SIK3: variants seen among roughly 807,000 people sequenced by gnomAD.
The protein encoded by SIK3 is SIK family kinase 3.
SIK3 carries 28 observed loss-of-function variants against 144.2 expected under a neutral mutation model. That is an observed-to-expected ratio of 0.19 (90% CI 0.14 to 0.27). The LOEUF (loss-of-function observed/expected upper bound fraction) is 0.27. Among genes scored for constraint, SIK3 ranks in the 10% least tolerant of loss-of-function variants. SIK3 has a pLI of 1.00. For missense variants in SIK3, 1,319 were observed against 1,776.0 expected (o/e 0.74, Z 4.62); for synonymous variants, 686 against 676.3 (o/e 1.01, Z -0.22).
At chr11:116,978,242 CAA>C (rs1220459115) in intron 1 of SIK3, among the ~76,000 whole-genome samples, 1 of 152,042 alleles carries the variant, frequency 6.6e-6, no homozygotes, top group African/African-American at 2.4e-5. Flanking sequence ...TCCGCATTAC[CAA>C]AAGTCTTCTT....
intron 3 of SIK3, among the ~76,000 whole-genome samples, chr11:116,947,041 C>T (rs758692549): frequency 2.7e-5 from 4 of 148,464 alleles, no homozygotes; most frequent in African/African-American, 7.5e-5. Context: ...GAACCTGGGA[C>T]GTGGAGCTTG....
At chr11:116,920,346 T>C (rs1398018477) in intron 4 of SIK3, among the ~76,000 whole-genome samples, 1 of 152,188 alleles carries the variant, frequency 6.6e-6, no homozygotes, top group African/African-American at 2.4e-5. Flanking sequence ...CTGGACTTTC[T>C]TCTACCCCTT....
intron 1 of SIK3, among the ~76,000 whole-genome samples, chr11:116,969,576 C>G (rs1044650321): frequency 1.7e-5 from 2 of 119,376 alleles, no homozygotes; most frequent in African/African-American, 6.4e-5. Flanking sequence ...ACTAAGAGAT[C>G]AAGTTGGCAT....
intron 1 of SIK3, among the ~76,000 whole-genome samples, chr11:117,073,739 C>T (rs760787163): frequency 4.6e-5 from 7 of 152,184 alleles, no homozygotes; most frequent in Non-Finnish European, 8.8e-5. Context: ...TCTCTCTACT[C>T]CCAGTTGTAA....
At chr11:116,973,819 C>A (rs541003573) in intron 1 of SIK3, among the ~76,000 whole-genome samples, 21 of 152,230 alleles carry the variant, frequency 1.4e-4, no homozygotes, top group Middle Eastern at 3.4e-3. Context: ...AACTGAGGAG[C>A]ATTCTACAAT....
At chr11:116,943,750 C>T (rs1948435914) in intron 3 of SIK3, among the ~76,000 whole-genome samples, 1 of 152,082 alleles carries the variant, frequency 6.6e-6, no homozygotes, top group Non-Finnish European at 1.5e-5. Context: ...GCAACTATTC[C>T]TATGGCCACA....
intron 1 of SIK3, among the ~76,000 whole-genome samples, chr11:117,013,206 T>C (rs1321559324): frequency 1.3e-5 from 2 of 152,164 alleles, no homozygotes; most frequent in Non-Finnish European, 2.9e-5. Flanking sequence ...AAACTTTGTA[T>C]AAGGTCAGGC....
intron 3 of SIK3, chr11:116,950,383 A>G (rs1434197416): frequency 3.8e-6 from 1 of 260,368 alleles, no homozygotes; most frequent in Non-Finnish European, 7.9e-6. Flanking sequence ...CTAAATATCA[A>G]AATGGAGTCA....
intron 1 of SIK3, among the ~76,000 whole-genome samples, chr11:116,988,019 C>A (rs1260556900): frequency 6.6e-6 from 1 of 152,176 alleles, no homozygotes; most frequent in Non-Finnish European, 1.5e-5. Context: ...TTGGAAATTT[C>A]TTATTCTAAC....
intron 1 of SIK3, among the ~76,000 whole-genome samples, chr11:117,042,679 C>G (rs1222221905): frequency 1.3e-5 from 2 of 152,090 alleles, no homozygotes; most frequent in Non-Finnish European, 1.5e-5. Flanking sequence ...AGTAATCATC[C>G]TAATTAAGAA....
intron 1 of SIK3, among the ~76,000 whole-genome samples, chr11:116,988,065 C>G (rs892508985): frequency 1.3e-5 from 2 of 152,062 alleles, no homozygotes; most frequent in African/African-American, 4.8e-5. Flanking sequence ...GAAACTAAAG[C>G]AAAGAGGGAG....
chr11:117,096,444 G>C (rs1375092133), intron 1 of SIK3, among the ~76,000 whole-genome samples: 1 of 152,210 alleles, frequency 6.6e-6, no homozygotes, highest in African/African-American at 2.4e-5. Context: ...GTTTGTAAAT[G>C]TAAGTTTGCC....
At chr11:116,988,311 G>A (rs572887753) in intron 1 of SIK3, among the ~76,000 whole-genome samples, 73 of 152,058 alleles carry the variant, frequency 4.8e-4, no homozygotes, top group Middle Eastern at 3.4e-3. Flanking sequence ...GCGTGAACCC[G>A]GGAGGCGGAG....
At chr11:116,848,442 G>C (rs1423484383) in intron 22 of SIK3, among the ~76,000 whole-genome samples, 1 of 152,182 alleles carries the variant, frequency 6.6e-6, no homozygotes, top group Non-Finnish European at 1.5e-5. Context: ...GATTTGAATA[G>C]CCACATGTGG....
chr11:117,004,643 A>G (rs970330390), intron 1 of SIK3, among the ~76,000 whole-genome samples: 4 of 152,234 alleles, frequency 2.6e-5, no homozygotes, highest in African/African-American at 7.2e-5. Flanking sequence ...ACATAGAGGC[A>G]CTATTATTAA....
chr11:116,909,539 A>C (rs1430553492), intron 4 of SIK3, among the ~76,000 whole-genome samples: 1 of 152,218 alleles, frequency 6.6e-6, no homozygotes, highest in Non-Finnish European at 1.5e-5. Flanking sequence ...TTTATGTATA[A>C]ACATAATATT....
chr11:117,057,389 C>A (rs1591626431), intron 1 of SIK3, among the ~76,000 whole-genome samples: 1 of 152,170 alleles, frequency 6.6e-6, no homozygotes. Context: ...GGCACCTATT[C>A]TTTTAACCAA....
chr11:117,060,565 C>G (rs989996684), intron 1 of SIK3, among the ~76,000 whole-genome samples: 1 of 149,816 alleles, frequency 6.7e-6, no homozygotes, highest in African/African-American at 2.5e-5. Flanking sequence ...CCATTGCACT[C>G]CAGCCTGGAT....
At chr11:117,005,336 G>GAAAAAAAAAA (rs35279676) in intron 1 of SIK3, among the ~76,000 whole-genome samples, 69 of 55,834 alleles carry the variant, frequency 1.2e-3, no homozygotes, top group East Asian at 2.1e-3. Context: ...CCCCGTCTCA[G>GAAAAAAAAAA]AAAAAAAAAA....
Sources: allele counts gnomAD v4.1 joint callset (sites outside exome capture counted in the v4.1 genomes callset), GRCh38; gene constraint gnomAD v4.1.1; transcripts MANE v1.5; gene names NCBI Gene and HGNC (gene_info 2026-07-23, HGNC 2026-07-21).